The following ROGDI variants were observed in gnomAD, a reference collection of about 807,000 sequenced individuals.
The protein encoded by ROGDI is rogdi atypical leucine zipper.
In ROGDI, 46 loss-of-function variants were observed where a neutral mutation model predicts 43.1. The ratio of observed to expected loss-of-function variants is 1.07; its 90% CI spans 0.84 to 1.37. The LOEUF (loss-of-function observed/expected upper bound fraction) is 1.37. Among genes scored for constraint, ROGDI ranks in the 40% most tolerant of loss-of-function variants. ROGDI has a pLI of 0.00. For synonymous variants in ROGDI, 243 were observed against 162.0 expected (o/e 1.50, Z -3.80); for missense variants, 518 against 383.9 (o/e 1.35, Z -2.92).
intron 2 of ROGDI, 93 bp from the exon 3 acceptor site, chr16:4,801,678 G>C (rs577487745): frequency 8.9e-6 from 11 of 1,239,820 alleles, no homozygotes; most frequent in Middle Eastern, 2.1e-4. Flanking sequence ...CAAGTCAGCG[G>C]GGGGAAGGAA....
intron 5 of ROGDI, 28 bp downstream of exon 5, chr16:4,800,470 G>C (rs1182807596): frequency 1.3e-6 from 2 of 1,539,330 alleles, no homozygotes; most frequent in Non-Finnish European, 8.8e-7. Context: ...CCTTGTGGCT[G>C]AGCACTAGCC....
At chr16:4,798,869 G>A (rs2082686328) in intron 6 of ROGDI, 3 of 579,326 alleles carry the variant, frequency 5.2e-6, no homozygotes, top group Non-Finnish European at 9.1e-6. Flanking sequence ...ACTAATGTCA[G>A]TCGGGATGGG....
Position 4,798,677 on chromosome 16 carries a change from G to C in ROGDI, c.433-10C>G, listed in dbSNP as rs759326935. ...TCACTGCGTCCATCAGCTGCAGGGA[G>C]AGGCGGGGTTGGCTCTGCGTCCTCC... On this transcript the variant is annotated splice_polypyrimidine_tract_variant and intron_variant, in intron 6 of 10. Transcript: ENST00000322048. 1 of 1,551,886 alleles carries C rather than the reference G, an allele frequency of 6.4e-7. No individual in the cohort carries two copies. The highest frequency in any genetic ancestry group is 8.7e-7 in the Non-Finnish European group (1 of 1,151,196).
At chr16:4,798,231 G>T (rs910854402) in intron 7 of ROGDI, 47 bp from the exon 8 acceptor site, 1 of 1,491,280 alleles carries the variant, frequency 6.7e-7, no homozygotes, top group Non-Finnish European at 9.3e-7. Flanking sequence ...CCCAGCCCAG[G>T]CTGGATGGAG....
chr16:4,801,944 C>A (rs774766129), intron 2 of ROGDI: 1 of 571,254 alleles, frequency 1.8e-6, no homozygotes, highest in Admixed American at 2.3e-5. Context: ...AAGCACTACG[C>A]CGGTTACTTC....
In ROGDI at chr16:4,798,730, G is replaced by A. The variant is rs529111726; in HGVS notation, c.433-63C>T. The stretch of plus-strand genomic sequence containing the variant: ...TGTCCCCATGCATTAAGGAACAACA[G>A]ACATGGTAGCTCCCACTCCCACCCA... On this transcript the variant is annotated intron_variant, in intron 6 of 10. Coordinates refer to ENST00000322048, the MANE Select transcript of ROGDI (RefSeq NM_024589.3). 151 of 1,343,624 alleles carry A rather than the reference G, an allele frequency of 1.1e-4. No homozygotes were observed. In the African/African-American group the frequency reaches 2.0e-3, roughly 18 times the overall value. 83.2% of individuals were successfully genotyped at this position (1,343,624 alleles called of 1,614,324 possible). A position where few individuals can be genotyped will look rare whatever the true frequency, so the allele number is the denominator to read the frequency against.
intron 2 of ROGDI, chr16:4,801,841 C>T: frequency 1.7e-6 from 1 of 589,518 alleles, no homozygotes. Context: ...CAGACAGGGG[C>T]AGCCTCCCAG....
intron 2 of ROGDI, 111 bp downstream of exon 2, chr16:4,802,271 G>T (rs1323246807): frequency 2.0e-6 from 2 of 1,013,520 alleles, no homozygotes; most frequent in Admixed American, 2.1e-5. Context: ...TGAAAGCCGC[G>T]GCAGCCGCAC....
Position 4,800,500 on chromosome 16 carries a change from G to T in ROGDI, c.334C>A (p.Gln112Lys). Residue 112 changes from glutamine to lysine, a missense_variant and splice_region_variant, in exon 5 of 11, where the codon CAG (glutamine) becomes AAG (lysine). Physicochemically the swap from Gln to Lys is moderately conservative, Grantham distance 53. Transcript: ENST00000322048. The part of the protein sequence containing the change: ...FREDKQWKLQ[Q>K]IQDARNHVSQ... ...CTAGCCAGGAGGGGCGGGGTCACCTGCTGCAGCTTCCACTGCTTGTCCTCC... is the reference window on the plus strand; with the variant it reads ...CTAGCCAGGAGGGGCGGGGTCACCTTCTGCAGCTTCCACTGCTTGTCCTCC... 6.4e-7 allele frequency: 1 copy of T among 1,554,414 alleles called. No homozygotes were observed. Among genetic ancestry groups the T allele is most frequent in the Non-Finnish European group, 8.7e-7 (1 of 1,148,268 alleles).
Position 4,797,420 on chromosome 16 carries a change from C to T in ROGDI, c.*40G>A, listed in dbSNP as rs370088479. 20 of 1,594,146 alleles carry T rather than the reference C, an allele frequency of 1.3e-5. No individual in the cohort carries two copies. The highest frequency in any genetic ancestry group is 8.0e-5 in the African/African-American group (6 of 74,554). ...CTCTGTGGTGGGTATGAGTAGGGGA[C>T]GGGGCCGCCTTCCTGGAGACAAGCT... On this transcript the variant is annotated 3_prime_UTR_variant, in exon 11 of 11. Coordinates refer to ENST00000322048, the MANE Select transcript of ROGDI (RefSeq NM_024589.3).
At chr16:4,799,635 G>C (rs369815951) in intron 6 of ROGDI, 51 bp downstream of exon 6, 3 of 1,413,044 alleles carry the variant, frequency 2.1e-6, no homozygotes, top group South Asian at 1.2e-5. Flanking sequence ...GTGTGATTCC[G>C]GATCAAGAAC....
chr16:4,797,555 G>T, intron 10 of ROGDI, 54 bp from the exon 11 acceptor site: 1 of 1,180,262 alleles, frequency 8.5e-7, no homozygotes, highest in South Asian at 1.9e-5. Flanking sequence ...GTAGCCCAGG[G>T]GAGATGTCAA....
chr16:4,797,564 A>G lies in ROGDI; in HGVS notation c.823-63T>C, dbSNP rs2082665829. On this transcript the variant is annotated intron_variant, in intron 10 of 10. Coordinates refer to ENST00000322048, the MANE Select transcript of ROGDI (RefSeq NM_024589.3). ...GATGGGGTAGCCCAGGGGAGATGTC[A>G]AGGTCACCCAAGGACAATATGTCAG... 1.0e-5 allele frequency: 16 copies of G among 1,570,426 alleles called. No individual in the cohort carries two copies. In the South Asian group the frequency reaches 1.6e-4, roughly 16 times the overall value.
At chr16:4,801,986 C>G (rs1015783664) in intron 2 of ROGDI, 11 of 579,526 alleles carry the variant, frequency 1.9e-5, no homozygotes, top group Admixed American at 1.5e-4. Context: ...ATCTACACCC[C>G]AGCCTCGCGA....
Position 4,798,057 on chromosome 16 carries a change from G to A in ROGDI, c.645+14C>T. On this transcript the variant is annotated intron_variant, in intron 8 of 10. Transcript: ENST00000322048. ...GCATGGCGGGCAGTGGGCCGGGCAGGGGTCCCTCCTCACCTTGGTGGAGTT... is the reference window on the plus strand; with the variant it reads ...GCATGGCGGGCAGTGGGCCGGGCAGAGGTCCCTCCTCACCTTGGTGGAGTT... The A allele has an allele frequency of 6.2e-7, 1 of 1,613,596 alleles. No homozygotes were observed. The highest frequency in any genetic ancestry group is 8.5e-7 in the Non-Finnish European group (1 of 1,179,726).
At position 4,797,837 on chromosome 16, in the gene ROGDI, C is replaced by T. The variant is rs1328644854; in HGVS notation, c.699G>A (p.Glu233=). 4 of 1,611,350 alleles carry T rather than the reference C, an allele frequency of 2.5e-6. No homozygotes were observed. The highest frequency in any genetic ancestry group is 2.2e-5 in the South Asian group (2 of 91,088). Residue 233 remains glutamate, a synonymous_variant, in exon 10 of 11, where the codon GAG becomes GAA. Coordinates refer to ENST00000322048, the MANE Select transcript of ROGDI (RefSeq NM_024589.3). ...TCACCTCCAGGCGCTGAGAGCCCCACTCGCTGTGGGCAGTGAGAGGGTCCC... is the reference window on the plus strand; with the variant it reads ...TCACCTCCAGGCGCTGAGAGCCCCATTCGCTGTGGGCAGTGAGAGGGTCCC... ...AVLHSPGAMF[E]WGSQRLEVSH...
chr16:4,802,297 G>A (rs927421898), intron 2 of ROGDI, 85 bp downstream of exon 2: 7 of 1,280,050 alleles, frequency 5.5e-6, no homozygotes, highest in South Asian at 5.3e-5. Context: ...AGGCGCTCAG[G>A]ACGCAGCCGC....
chr16:4,801,843 G>C (rs2082727626), intron 2 of ROGDI: 1 of 589,842 alleles, frequency 1.7e-6, no homozygotes, highest in African/African-American at 1.9e-5. Flanking sequence ...GACAGGGGCA[G>C]CCTCCCAGCT....
At chr16:4,802,000 G>A (rs976877191) in intron 2 of ROGDI, 6 of 578,422 alleles carry the variant, frequency 1.0e-5, no homozygotes, top group African/African-American at 9.2e-5. Flanking sequence ...CTCGCGAAGC[G>A]GGTACTGTTA....
Sources: gnomAD v4.1 joint callset for allele counts on GRCh38, gnomAD v4.1.1 for gene constraint, MANE v1.5 for transcripts, NCBI Gene and HGNC (gene_info 2026-07-23, HGNC 2026-07-21) for gene names.